The following JAK2 variants were observed in gnomAD, a reference collection of about 807,000 sequenced individuals.
JAK2 encodes Janus kinase 2, also known as tyrosine-protein kinase JAK2.
JAK2 carries 86 observed loss-of-function variants against 139.3 expected under a neutral mutation model. The observed-to-expected ratio is 0.62, with a 90% CI of 0.52 to 0.74. JAK2 has a LOEUF of 0.74. Ranked by LOEUF, JAK2 falls within the 30% of genes least tolerant of loss-of-function variation. JAK2 has a pLI of 0.00. For missense variants in JAK2, 1,421 were observed against 1,360.3 expected (o/e 1.04, Z -0.70); for synonymous variants, 490 against 437.7 (o/e 1.12, Z -1.49).
At chr9:4,991,680 C>G (rs1820259408) in intron 2 of JAK2, among the ~76,000 whole-genome samples, 1 of 146,090 alleles carries the variant, frequency 6.8e-6, no homozygotes, top group East Asian at 2.0e-4. Context: ...CCAGCAAACT[C>G]TTTCCCACCC....
chr9:5,123,899 T>C (rs551427035), intron 23 of JAK2, among the ~76,000 whole-genome samples: 1 of 151,834 alleles, frequency 6.6e-6, no homozygotes, highest in African/African-American at 2.4e-5. Context: ...TTTTTTTTTT[T>C]TGTCATTCTG....
chr9:5,055,864 A>G, intron 8 of JAK2, 76 bp downstream of exon 8: 2 of 1,322,228 alleles, frequency 1.5e-6, no homozygotes. Context: ...TCTTAGTACC[A>G]AAATTATTTT....
intron 8 of JAK2, among the ~76,000 whole-genome samples, chr9:5,063,712 T>C (rs1818347437): frequency 6.6e-6 from 1 of 152,244 alleles, no homozygotes; most frequent in Admixed American, 6.5e-5. Flanking sequence ...GAAGTTTTTG[T>C]TAATTATTGA....
At chr9:4,991,411 A>G (rs576876256) in intron 2 of JAK2, among the ~76,000 whole-genome samples, 2 of 152,284 alleles carry the variant, frequency 1.3e-5, no homozygotes, top group East Asian at 3.9e-4. Flanking sequence ...TTATGAAATA[A>G]AATGCTATTA....
rs13297757 is a variant in JAK2, at chr9:5,077,589, T to C, written c.1992+9T>C. 2 of 1,458,400 alleles carry C rather than the reference T, an allele frequency of 1.4e-6. No homozygotes were observed. The highest frequency in any genetic ancestry group is 1.8e-6 in the Non-Finnish European group (2 of 1,101,746). The allele number at this position is 1,458,400 out of a possible 1,614,324, so 90.3% of individuals were successfully genotyped here. A position where few individuals can be genotyped will look rare whatever the true frequency, so the allele number is the denominator to read the frequency against. Reference sequence around the variant, plus strand: ...GGGCCATGCATTTTCTAGTAAGTAGTACAACCTTTTTATCAAAAGATACTA... The same window carrying C: ...GGGCCATGCATTTTCTAGTAAGTAGCACAACCTTTTTATCAAAAGATACTA... On this transcript the variant is annotated intron_variant, in intron 15 of 24. Coordinates refer to ENST00000381652, the MANE Select transcript of JAK2 (RefSeq NM_004972.4).
chr9:5,080,607 T>C lies in JAK2; in HGVS notation c.2358T>C (p.Asn786=). ...KWAELANLIN[N]CMDYEPDFRP... is the part of the protein sequence containing the mutation. ...CAGAATTAGCAAACCTTATAAATAA[T>C]TGTATGGATTATGAACCAGATTTCA... Residue 786 remains asparagine, a synonymous_variant, in exon 18 of 25, where the codon AAT becomes AAC. Transcript: ENST00000381652. 6.2e-7 allele frequency: 1 copy of C among 1,608,772 alleles called. No individual in the cohort carries two copies. The highest frequency in any genetic ancestry group is 8.5e-7 in the Non-Finnish European group (1 of 1,178,572).
chr9:5,022,859 A>G (rs1822521321), intron 3 of JAK2, among the ~76,000 whole-genome samples: 1 of 152,240 alleles, frequency 6.6e-6, no homozygotes, highest in Non-Finnish European at 1.5e-5. Context: ...ACTAGTTGAC[A>G]CTATTTTGAA....
At chr9:5,072,697 T>A in intron 13 of JAK2, 71 bp downstream of exon 13, 1 of 1,128,828 alleles carries the variant, frequency 8.9e-7, no homozygotes, top group Non-Finnish European at 1.2e-6. Context: ...GCATACAACG[T>A]ACTCATGTGT....
chr9:4,991,837 T>C (rs1031063935), intron 2 of JAK2, among the ~76,000 whole-genome samples: 2 of 152,136 alleles, frequency 1.3e-5, no homozygotes, highest in Non-Finnish European at 2.9e-5. Context: ...GTAGAAGAGC[T>C]CATCCCCTTT....
intron 2 of JAK2, among the ~76,000 whole-genome samples, chr9:5,017,350 G>A (rs10974916): frequency 0.35 from 52,835 of 151,968 alleles, 9,839 homozygotes; most frequent in African/African-American, 0.49. Context: ...GTCAGTGGTG[G>A]GCACAAACTG....
chr9:5,015,995 G>C (rs1419735937), intron 2 of JAK2, among the ~76,000 whole-genome samples: 2 of 152,218 alleles, frequency 1.3e-5, no homozygotes, highest in African/African-American at 4.8e-5. Context: ...TGCTATGCTT[G>C]CTGGGTTTCC....
Position 5,090,930 on chromosome 9 carries a change from G to A in JAK2, c.3059+19G>A. On this transcript the variant is annotated intron_variant, in intron 22 of 24. Transcript: ENST00000381652. ...TATTCTGGTGAGTATATTTCAGTATGATAAATGAAATTTTAGAGCACAGAC... is the reference window on the plus strand; with the variant it reads ...TATTCTGGTGAGTATATTTCAGTATAATAAATGAAATTTTAGAGCACAGAC... The A allele has an allele frequency of 6.6e-7, 1 of 1,510,618 alleles. No individual in the cohort carries two copies. The highest frequency in any genetic ancestry group is 1.3e-5 in the South Asian group (1 of 79,820). 93.6% of individuals were successfully genotyped at this position (1,510,618 alleles called of 1,614,324 possible).
In JAK2 at chr9:5,072,607, C is replaced by T. The variant is rs1184106240; in HGVS notation, c.1757C>T (p.Ala586Val). Residue 586 changes from alanine to valine, a missense_variant, in exon 13 of 25, where the codon GCA (alanine) becomes GTA (valine). By Grantham distance (64) the Ala-to-Val change is moderately conservative. Transcript: ENST00000381652. The stretch of plus-strand genomic sequence containing the variant: ...GTTCTTTTAAAAGTTCTGGATAAAG[C>T]ACACAGAAACTATTCAGAGGTGTGT... ...TEVLLKVLDK[A>V]HRNYSESFFE... 6.2e-7 allele frequency: 1 copy of T among 1,606,336 alleles called. No individual in the cohort carries two copies. Among genetic ancestry groups the T allele is most frequent in the Non-Finnish European group, 8.5e-7 (1 of 1,175,524 alleles).
intron 19 of JAK2, among the ~76,000 whole-genome samples, chr9:5,088,112 C>G (rs1038490901): frequency 7.2e-5 from 11 of 152,118 alleles, no homozygotes; most frequent in African/African-American, 1.7e-4. Context: ...TTTTATTATT[C>G]TCCACTTTAA....
At position 5,060,888 on chromosome 9, in the gene JAK2, T is replaced by G. The variant is rs1407322096; in HGVS notation, c.1057-3995T>G. Among the ~76,000 whole-genome samples the G allele has an allele frequency of 2.0e-5, 3 of 152,228 alleles. No homozygotes were observed. The South Asian group carries it at 6.2e-4, about 32-fold the overall frequency. On this transcript the variant is annotated intron_variant, in intron 8 of 24. Coordinates refer to ENST00000381652, the MANE Select transcript of JAK2 (RefSeq NM_004972.4). ...AAATGTATTTCTTAGATAATAAGACTTGAAAGTTGAAATTACTCCTTGACC... is the reference window on the plus strand; with the variant it reads ...AAATGTATTTCTTAGATAATAAGACGTGAAAGTTGAAATTACTCCTTGACC...
chr9:5,047,549 A>AT (rs773826002), intron 5 of JAK2, among the ~76,000 whole-genome samples: 1 of 152,200 alleles, frequency 6.6e-6, no homozygotes. Context: ...ATCATTTCTG[A>AT]TTTTGTGACT....
At chr9:5,075,107 G>A (rs940904245) in intron 14 of JAK2, among the ~76,000 whole-genome samples, 1 of 152,048 alleles carries the variant, frequency 6.6e-6, no homozygotes, top group Non-Finnish European at 1.5e-5. Flanking sequence ...AAGGCTGAGA[G>A]AGGTGAGGAA....
intron 23 of JAK2, 105 bp from the exon 24 acceptor site, chr9:5,126,228 A>C: frequency 1.4e-6 from 1 of 692,486 alleles, no homozygotes; most frequent in Non-Finnish European, 2.5e-6. Context: ...AAAACATACA[A>C]AAGCACACAT....
At chr9:5,053,827 T>C (rs1229308666) in intron 6 of JAK2, among the ~76,000 whole-genome samples, 3 of 151,958 alleles carry the variant, frequency 2.0e-5, no homozygotes, top group Non-Finnish European at 2.9e-5. Flanking sequence ...GCTTCCTGGA[T>C]TAGATGGTAC....
Sources: gnomAD v4.1 joint callset for allele counts (sites outside exome capture counted in the v4.1 genomes callset) on GRCh38, gnomAD v4.1.1 for gene constraint, MANE v1.5 for transcripts, NCBI Gene and HGNC (gene_info 2026-07-23, HGNC 2026-07-21) for gene names.